Variants in CWF19L2 observed in about 807,000 individuals in gnomAD.
The protein encoded by CWF19L2 is CWF19 like cell cycle control factor 2, also known as CWF19-like protein 2.
CWF19L2 carries 98 observed loss-of-function variants against 111.7 expected under a neutral mutation model. The ratio of observed to expected loss-of-function variants is 0.88; its 90% CI spans 0.75 to 1.04. The LOEUF (loss-of-function observed/expected upper bound fraction) is 1.04. Among genes scored for constraint, CWF19L2 ranks in the 50% least tolerant of loss-of-function variants. CWF19L2 has a pLI of 0.00. For synonymous variants in CWF19L2, 351 were observed against 342.9 expected (o/e 1.02, Z -0.26); for missense variants, 1,101 against 1,051.4 (o/e 1.05, Z -0.65).
intron 12 of CWF19L2, among the ~76,000 whole-genome samples, chr11:107,376,102 T>C (rs1431511302): frequency 1.6e-5 from 2 of 128,748 alleles, no homozygotes; most frequent in Non-Finnish European, 3.2e-5. Flanking sequence ...TAACAGGAGC[T>C]GAAATTGTGG....
chr11:107,380,774 C>A (rs1456473646), intron 12 of CWF19L2, among the ~76,000 whole-genome samples: 1 of 152,082 alleles, frequency 6.6e-6, no homozygotes, highest in Non-Finnish European at 1.5e-5. Context: ...CACCAATGTT[C>A]CTAAGAGCAT....
intron 6 of CWF19L2, among the ~76,000 whole-genome samples, chr11:107,437,230 T>C (rs1861554768): frequency 6.6e-6 from 1 of 152,218 alleles, no homozygotes; most frequent in Non-Finnish European, 1.5e-5. Context: ...ACATTAACTA[T>C]ATAAGATAGG....
chr11:107,447,475 G>A (rs996141640), intron 3 of CWF19L2, among the ~76,000 whole-genome samples: 1 of 152,148 alleles, frequency 6.6e-6, no homozygotes, highest in African/African-American at 2.4e-5. Flanking sequence ...ACAAAGGGCT[G>A]GAAGACATTC....
chr11:107,453,437 A>G (rs950594118), intron 3 of CWF19L2, among the ~76,000 whole-genome samples: 1 of 151,886 alleles, frequency 6.6e-6, no homozygotes. Flanking sequence ...GAGGAGAGAG[A>G]AGAGTAAATA....
chr11:107,360,825 G>C (rs1042405410), intron 12 of CWF19L2, among the ~76,000 whole-genome samples: 2 of 152,086 alleles, frequency 1.3e-5, no homozygotes, highest in Non-Finnish European at 2.9e-5. Flanking sequence ...CCACTTTTTA[G>C]TGGGACTATT....
intron 3 of CWF19L2, among the ~76,000 whole-genome samples, chr11:107,449,727 C>T (rs912785212): frequency 6.6e-6 from 1 of 151,296 alleles, no homozygotes; most frequent in African/African-American, 2.4e-5. Context: ...AAGCCTACAG[C>T]AGATGAAATG....
intron 4 of CWF19L2, 99 bp downstream of exon 4, chr11:107,442,840 C>CAGAGAGGGAGGGAGGGAT: frequency 4.8e-6 from 2 of 415,338 alleles, no homozygotes; most frequent in South Asian, 2.8e-5. Context: ...GAGAGAGGGA[C>CAGAGAGGGAGGGAGGGAT]AGAGAGGGAG....
At chr11:107,446,994 C>T (rs751779606) in intron 3 of CWF19L2, among the ~76,000 whole-genome samples, 12 of 152,144 alleles carry the variant, frequency 7.9e-5, no homozygotes, top group Non-Finnish European at 1.8e-4. Context: ...ATTAACCACA[C>T]CTCTAATTCT....
intron 14 of CWF19L2, among the ~76,000 whole-genome samples, chr11:107,339,774 T>TC (rs1409072967): frequency 1.3e-5 from 2 of 151,002 alleles, no homozygotes; most frequent in African/African-American, 2.4e-5. Flanking sequence ...CGGGTGATTC[T>TC]CCCGCCTTGG....
chr11:107,380,444 A>C (rs117248449), intron 12 of CWF19L2, among the ~76,000 whole-genome samples: 2 of 152,190 alleles, frequency 1.3e-5, no homozygotes, highest in African/African-American at 4.8e-5. Context: ...CTTTGATTAA[A>C]ATCTGAGAGA....
rs186568200 is a variant in CWF19L2, at chr11:107,371,165, G to A, written c.1873-17429C>T. 4.7e-3 allele frequency among the ~76,000 whole-genome samples: 634 copies of A among 134,270 alleles called. 155 individuals are homozygous for A. The highest frequency in any genetic ancestry group is 0.017 in the African/African-American group (576 of 33,252). The allele number at this position is 134,270 out of a possible 152,430, so 88.1% of individuals were successfully genotyped here. On this transcript the variant is annotated intron_variant, in intron 12 of 17. Transcript: ENST00000282251. ...GACTACAGGCACCTGCCACCATGCCGGCTAATTTTTTGTATTTTTAGTAGA... is the reference window on the plus strand; with the variant it reads ...GACTACAGGCACCTGCCACCATGCCAGCTAATTTTTTGTATTTTTAGTAGA...
chr11:107,334,857 T>C, intron 16 of CWF19L2, 24 bp downstream of exon 16: 4 of 1,424,434 alleles, frequency 2.8e-6, no homozygotes, highest in Non-Finnish European at 4.0e-6. Context: ...GGTAATTTCT[T>C]TTACCAGGAA....
At chr11:107,361,958 T>C (rs926931796) in intron 12 of CWF19L2, among the ~76,000 whole-genome samples, 1 of 152,174 alleles carries the variant, frequency 6.6e-6, no homozygotes, top group Non-Finnish European at 1.5e-5. Flanking sequence ...CGCAGGTTAG[T>C]GGGTGCACGC....
intron 14 of CWF19L2, among the ~76,000 whole-genome samples, chr11:107,348,370 C>CATGTT (rs1211258131): frequency 6.6e-6 from 1 of 152,102 alleles, no homozygotes; most frequent in East Asian, 1.9e-4. Flanking sequence ...CAATTTCACC[C>CATGTT]ATGTTGTGCC....
intron 10 of CWF19L2, among the ~76,000 whole-genome samples, chr11:107,401,151 G>C (rs1860993681): frequency 6.6e-6 from 1 of 152,088 alleles, no homozygotes; most frequent in Non-Finnish European, 1.5e-5. Flanking sequence ...TCTGAGAACT[G>C]GAGCAAGACA....
chr11:107,390,107 A>G lies in CWF19L2; in HGVS notation c.1839T>C (p.Asn613=), dbSNP rs1451196045. Residue 613 remains asparagine, a synonymous_variant, in exon 12 of 18, where the codon AAT becomes AAC. Coordinates refer to ENST00000282251, the MANE Select transcript of CWF19L2 (RefSeq NM_152434.3). The stretch of plus-strand genomic sequence containing the variant: ...CCATTCTCATAAAGAGCTTGTTTTG[A>G]TTTTCTGCTGTTCCCATCTTTTCAT... ...VKNEKMGTAE[N]QNKLFMRMAS... The G allele has an allele frequency of 6.2e-7, 1 of 1,612,736 alleles. No homozygotes were observed. Among genetic ancestry groups the G allele is most frequent in the Admixed American group, 1.7e-5 (1 of 59,902 alleles).
intron 8 of CWF19L2, among the ~76,000 whole-genome samples, 189 bp downstream of exon 8, chr11:107,428,610 A>T (rs77276650): frequency 0.013 from 1,954 of 152,104 alleles, 35 homozygotes; most frequent in African/African-American, 0.044. Context: ...TTAAAAAAAA[A>T]AAAACCTATG....
rs529287516 is a variant in CWF19L2 at position 107,436,598 on chromosome 11, C to T, written c.664+2492G>A. Among the ~76,000 whole-genome samples the T allele has an allele frequency of 2.6e-5, 4 of 152,228 alleles. No homozygotes were observed. The East Asian group carries it at 7.7e-4, about 29-fold the overall frequency. On this transcript the variant is annotated intron_variant, in intron 6 of 17. Transcript: ENST00000282251. Reference sequence around the variant, plus strand: ...CTAAGATAAGGCAGCCAATTTAAACCACCTTTCAAAGTCTTTTCAACTCAC... The same window carrying T: ...CTAAGATAAGGCAGCCAATTTAAACTACCTTTCAAAGTCTTTTCAACTCAC...
intron 8 of CWF19L2, among the ~76,000 whole-genome samples, chr11:107,424,455 TAA>T (rs34856316): frequency 0.22 from 32,276 of 146,138 alleles, 3,650 homozygotes; most frequent in Middle Eastern, 0.31. Context: ...CCTTTTATAA[TAA>T]AAAAAAAAAA....
Sources: allele counts gnomAD v4.1 joint callset (sites outside exome capture counted in the v4.1 genomes callset), GRCh38; gene constraint gnomAD v4.1.1; transcripts MANE v1.5; gene names NCBI Gene and HGNC (gene_info 2026-07-23, HGNC 2026-07-21).